TNFSF15: variants seen among roughly 807,000 people sequenced by gnomAD.
TNFSF15 encodes the protein TNF superfamily member 15.
TNFSF15 carries 15 observed loss-of-function variants against 26.4 expected under a neutral mutation model. That is an observed-to-expected ratio of 0.57 (90% CI 0.38 to 0.87). The LOEUF (loss-of-function observed/expected upper bound fraction) is 0.87, where lower values mean the gene tolerates loss of function less well. TNFSF15 is among the 40% of genes least tolerant of loss of function. The pLI is 0.00. For synonymous variants in TNFSF15, 116 were observed against 115.0 expected, an observed-to-expected ratio of 1.01 and a Z score of -0.06; for missense variants, 290 against 306.1, an observed-to-expected ratio of 0.95 and a Z score of 0.39.
At chr9:114,796,410 C>T (rs924851614) in intron 1 of TNFSF15, among the ~76,000 whole-genome samples, 1 of 152,240 alleles carries the variant, frequency 6.6e-6, no homozygotes, top group African/African-American at 2.4e-5. Context: ...AAAGTCCTAA[C>T]TTATCCCAGT....
rs1468026647 is a variant in TNFSF15, at chr9:114,792,443, T to C, written c.265A>G (p.Arg89Gly). The C allele has an allele frequency of 1.2e-6, 2 of 1,614,142 alleles. No homozygotes were observed. The highest frequency in any genetic ancestry group is 3.3e-5 in the Admixed American group (2 of 60,016). Residue 89 changes from arginine (R) to glycine (G), a missense_variant, in exon 3 of 4, where the codon AGA (arginine) becomes GGA (glycine). By Grantham distance (125) the Arg-to-Gly change is moderately radical (BLOSUM62 -2). Coordinates refer to ENST00000374045, the MANE Select transcript of TNFSF15 (RefSeq NM_005118.4). ...PSHQQVYAPL[R>G]ADGDKPRAHL... ...GCCCTTGGCTTATCTCCGTCTGCTCTAAGAGGTGCATCTGTAACAAAAGGA... is the reference window on the plus strand; with the variant it reads ...GCCCTTGGCTTATCTCCGTCTGCTCCAAGAGGTGCATCTGTAACAAAAGGA...
intron 1 of TNFSF15, among the ~76,000 whole-genome samples, chr9:114,804,469 C>T (rs913302783): frequency 1.3e-5 from 2 of 152,166 alleles, no homozygotes; most frequent in Non-Finnish European, 2.9e-5. Flanking sequence ...CCTGTCATGC[C>T]TCTGGGCTTC....
chr9:114,797,408 T>C (rs1422291924), intron 1 of TNFSF15, among the ~76,000 whole-genome samples: 1 of 152,232 alleles, frequency 6.6e-6, no homozygotes, highest in Admixed American at 6.5e-5. Flanking sequence ...AAGAAGGACG[T>C]CATTTGAGAC....
At chr9:114,803,517 A>G (rs910425519) in intron 1 of TNFSF15, among the ~76,000 whole-genome samples, 3 of 151,988 alleles carry the variant, frequency 2.0e-5, no homozygotes. Context: ...GTCTTTTCCC[A>G]TCTCCTCTGA....
intron 1 of TNFSF15, 49 bp downstream of exon 1, chr9:114,805,754 G>A (rs770695212): frequency 6.4e-6 from 10 of 1,569,988 alleles, no homozygotes; most frequent in Non-Finnish European, 7.9e-6. Context: ...GCCACTCACT[G>A]CAGAGAGTCC....
chr9:114,794,085 A>G (rs918156628), intron 1 of TNFSF15, among the ~76,000 whole-genome samples: 2 of 152,248 alleles, frequency 1.3e-5, no homozygotes, highest in African/African-American at 4.8e-5. Flanking sequence ...TATTTCAGAT[A>G]CCACATGATG....
At chr9:114,792,815 C>T (rs1361924160) in intron 2 of TNFSF15, among the ~76,000 whole-genome samples, 1 of 152,224 alleles carries the variant, frequency 6.6e-6, no homozygotes, top group Non-Finnish European at 1.5e-5. Flanking sequence ...TAAAGCACAA[C>T]TCACTGCTCT....
Position 114,789,714 on chromosome 9 carries a change from A to T in TNFSF15, c.*738T>A, listed in dbSNP as rs1044623880. 1 of 152,294 alleles carries T rather than the reference A, an allele frequency of 6.6e-6. No individual in the cohort carries two copies. Among genetic ancestry groups the T allele is most frequent in the Non-Finnish European group, 1.5e-5 (1 of 68,034 alleles). 9.4% of individuals were successfully genotyped at this position (152,294 alleles called of 1,614,324 possible). A position where few individuals can be genotyped will look rare whatever the true frequency, so the allele number is the denominator to read the frequency against. On this transcript the variant is annotated 3_prime_UTR_variant, in exon 4 of 4. Transcript: ENST00000374045. ...TTGAGTGGAGTCTGTCTTGTTTTTC[A>T]TAGTGTCTTCTGGGTTAAGGTAGAA...
At chr9:114,793,401 T>G (rs1829633771) in intron 2 of TNFSF15, 125 bp downstream of exon 2, 1 of 1,139,362 alleles carries the variant, frequency 8.8e-7, no homozygotes, top group Non-Finnish European at 1.3e-6. Flanking sequence ...ATTTCTCCTC[T>G]GGATTTGCAT....
At chr9:114,799,594 G>A (rs140546998) in intron 1 of TNFSF15, among the ~76,000 whole-genome samples, 164 of 152,246 alleles carry the variant, frequency 1.1e-3, no homozygotes, top group African/African-American at 3.9e-3. Context: ...TGGAATTTAC[G>A]CCCCACCCAC....
At position 114,790,349 on chromosome 9, in the gene TNFSF15, T is replaced by A; in HGVS notation, c.*103A>T. The A allele has an allele frequency of 8.2e-7, 1 of 1,212,618 alleles. No homozygotes were observed. Among genetic ancestry groups the A allele is most frequent in the Non-Finnish European group, 1.2e-6 (1 of 865,868 alleles). The allele number at this position is 1,212,618 out of a possible 1,614,324, so 75.1% of individuals were successfully genotyped here. On this transcript the variant is annotated 3_prime_UTR_variant, in exon 4 of 4. Coordinates refer to ENST00000374045, the MANE Select transcript of TNFSF15 (RefSeq NM_005118.4). ...ACCGTTGTCCCTGTGGAATGCCCCC[T>A]ACTCCCGGCCCCAAGAAAACCCCTG...
chr9:114,803,446 C>A (rs767073671), intron 1 of TNFSF15, among the ~76,000 whole-genome samples: 10 of 152,210 alleles, frequency 6.6e-5, no homozygotes, highest in Non-Finnish European at 1.0e-4. Context: ...AAGTGAGCCA[C>A]ATTTCACTGT....
intron 1 of TNFSF15, among the ~76,000 whole-genome samples, chr9:114,801,430 G>A (rs139760283): frequency 6.6e-6 from 1 of 152,268 alleles, no homozygotes; most frequent in East Asian, 1.9e-4. Flanking sequence ...CACAGAGAGA[G>A]CTCATAAACA....
intron 1 of TNFSF15, among the ~76,000 whole-genome samples, chr9:114,795,573 T>C (rs971245555): frequency 6.6e-6 from 1 of 152,184 alleles, no homozygotes; most frequent in Non-Finnish European, 1.5e-5. Context: ...ATTTAAAGTA[T>C]ATAGGAGGAT....
intron 2 of TNFSF15, 139 bp downstream of exon 2, chr9:114,793,387 C>T: frequency 1.0e-6 from 1 of 979,498 alleles, no homozygotes; most frequent in Non-Finnish European, 1.6e-6. Context: ...TGCAGCAGAG[C>T]CTCATTTCTC....
Position 114,792,393 on chromosome 9 carries a change from G to A in TNFSF15, c.301+14C>T. The A allele has an allele frequency of 6.2e-7, 1 of 1,613,614 alleles. No individual in the cohort carries two copies. The highest frequency in any genetic ancestry group is 8.5e-7 in the Non-Finnish European group (1 of 1,179,776). On this transcript the variant is annotated intron_variant, in intron 3 of 3. Coordinates refer to ENST00000374045, the MANE Select transcript of TNFSF15 (RefSeq NM_005118.4). Reference sequence around the variant, plus strand: ...GGCCCATGGTCTCCCGTAAAACACAGCAGGGAGGCTTACCTGTCAGGTGTG... The same window carrying A: ...GGCCCATGGTCTCCCGTAAAACACAACAGGGAGGCTTACCTGTCAGGTGTG...
In TNFSF15 at chr9:114,790,457, G is replaced by A; in HGVS notation, c.751C>T (p.Leu251=). The change falls in exon 4 of 4, where the codon CTA becomes TTA. Residue 251 remains leucine (L), a synonymous_variant. Transcript: ENST00000374045. The part of the protein sequence containing the change: ...EDKTFFGAFL[L] ...TAATGATATTTGCTCTCCTCCTATA[G>A]TAAGAAGGCTCCAAAGAAGGTTTTA... 6.3e-7 allele frequency: 1 copy of A among 1,599,996 alleles called. No individual in the cohort carries two copies. Among genetic ancestry groups the A allele is most frequent in the South Asian group, 1.1e-5 (1 of 89,030 alleles).
intron 1 of TNFSF15, among the ~76,000 whole-genome samples, chr9:114,795,786 T>A (rs957295999): frequency 7.9e-5 from 12 of 152,198 alleles, no homozygotes; most frequent in African/African-American, 2.9e-4. Context: ...TGTTTTAGCA[T>A]CTGTACACGT....
intron 1 of TNFSF15, among the ~76,000 whole-genome samples, chr9:114,805,325 C>T (rs563050249): frequency 2.0e-5 from 3 of 152,036 alleles, no homozygotes; most frequent in Admixed American, 6.6e-5. Flanking sequence ...AGAATAATCT[C>T]GTCTCATTAA....
Sources: gnomAD v4.1 joint callset for allele counts (sites outside exome capture counted in the v4.1 genomes callset) on GRCh38, gnomAD v4.1.1 for gene constraint, MANE v1.5 for transcripts, NCBI Gene and HGNC (gene_info 2026-07-23, HGNC 2026-07-21) for gene names.